The following SLC16A13 variants were observed in gnomAD, a reference collection of about 807,000 sequenced individuals.
The protein encoded by SLC16A13 is solute carrier family 16 member 13, also known as monocarboxylate transporter 13.
A neutral mutation model predicts 28.1 loss-of-function variants in SLC16A13; 28 were observed. That is an observed-to-expected ratio of 1.00 (90% CI 0.74 to 1.37). The LOEUF (loss-of-function observed/expected upper bound fraction) is 1.37. Among genes scored for constraint, SLC16A13 ranks in the 40% most tolerant of loss-of-function variants. The pLI is 0.00. For synonymous variants in SLC16A13, 228 were observed against 241.6 expected, an observed-to-expected ratio of 0.94 and a Z score of 0.52; for missense variants, 482 against 531.8, an observed-to-expected ratio of 0.91 and a Z score of 0.92.
At chr17:7,037,412 T>C (rs312458) in intron 2 of SLC16A13, among the ~76,000 whole-genome samples, 97,497 of 131,728 alleles carry the variant, frequency 0.74, 39,469 homozygotes, top group Middle Eastern at 0.91. Context: ...GACTGGAGTG[T>C]AAAAGGAAGA....
chr17:7,039,840 A>G lies in SLC16A13; in HGVS notation c.1159A>G (p.Ile387Val). The change falls in exon 4 of 4, where the codon ATT becomes GTT. Residue 387 changes from isoleucine (I) to valine (V), a missense_variant. Physicochemically the swap from Ile to Val is conservative, Grantham distance 29. Coordinates refer to ENST00000308027, the MANE Select transcript of SLC16A13 (RefSeq NM_201566.3). This position sits in a 1 kb window ranked among gnomAD's most constrained non-coding sequence, Gnocchi z 4.3. ...AGAFLLSGSG[I>V]LLTLPHFFCF... ...GGCCTTCCTTCTTTCAGGGAGTGGC[A>G]TTCTCCTCACCCTGCCCCACTTCTT... 2 of 1,614,010 alleles carry G rather than the reference A, an allele frequency of 1.2e-6. No individual in the cohort carries two copies. The highest frequency in any genetic ancestry group is 1.7e-6 in the Non-Finnish European group (2 of 1,179,986).
rs189225479 is a variant in SLC16A13 at position 7,039,447 on chromosome 17, G to A, written c.1082-316G>A. Among the ~76,000 whole-genome samples the A allele has an allele frequency of 1.9e-4, 28 of 147,738 alleles. No homozygotes were observed. The highest frequency in any genetic ancestry group is 6.1e-4 in the African/African-American group (24 of 39,480). ...TGCACTTCAGCCTGGGCGACAGAGC[G>A]AGACTCCGTCTCAAAAAAAAAAAAA... is the stretch of plus-strand genomic sequence containing the variant. On this transcript the variant is annotated intron_variant, in intron 3 of 3. Coordinates refer to ENST00000308027, the MANE Select transcript of SLC16A13 (RefSeq NM_201566.3). The surrounding 1 kb of genome is among the most constrained non-coding windows in gnomAD (Gnocchi z 4.3).
chr17:7,038,400 C>T lies in SLC16A13; in HGVS notation c.592C>T (p.Pro198Ser), dbSNP rs1306195603. 4 of 1,614,028 alleles carry T rather than the reference C, an allele frequency of 2.5e-6. No individual in the cohort carries two copies. The highest frequency in any genetic ancestry group is 3.3e-5 in the Admixed American group (2 of 60,002). ...CCGCCCACCCTCCCTGGCTGAGGACCCTGCTGTGGGTGGTCCCAGGGCCCA... is the reference window on the plus strand; with the variant it reads ...CCGCCCACCCTCCCTGGCTGAGGACTCTGCTGTGGGTGGTCCCAGGGCCCA... The part of the protein sequence containing the change: ...LLRPPSLAED[P>S]AVGGPRAQLT... Residue 198 changes from proline (P) to serine (S), a missense_variant, in exon 3 of 4, where the codon CCT becomes TCT. By Grantham distance (74) the Pro-to-Ser change is moderately conservative. Coordinates refer to ENST00000308027, the MANE Select transcript of SLC16A13 (RefSeq NM_201566.3). This position sits in a 1 kb window ranked among gnomAD's most constrained non-coding sequence, Gnocchi z 5.7.
chr17:7,037,029 A>G, intron 2 of SLC16A13, 159 bp downstream of exon 2: 1 of 925,122 alleles, frequency 1.1e-6, no homozygotes, highest in Non-Finnish European at 1.6e-6. Flanking sequence ...TAAAGCGACA[A>G]ACATGGTGAG....
Position 7,036,204 on chromosome 17 carries a change from G to C in SLC16A13, c.-179G>C, listed in dbSNP as rs999704806. 1.4e-5 allele frequency: 9 copies of C among 628,680 alleles called. No individual in the cohort carries two copies. In the African/African-American group the frequency reaches 1.7e-4, roughly 12 times the overall value. 38.9% of individuals were successfully genotyped at this position (628,680 alleles called of 1,614,324 possible). A position where few individuals can be genotyped will look rare whatever the true frequency, so the allele number is the denominator to read the frequency against. The stretch of plus-strand genomic sequence containing the variant: ...CAGGTCTTCAGTCCTATATCGCCCC[G>C]CCTTGGGAAAAGGTGCAGGGGCCTC... On this transcript the variant is annotated 5_prime_UTR_variant, in exon 1 of 4. Transcript: ENST00000308027.
Position 7,036,160 on chromosome 17 carries a change from T to A in SLC16A13, c.-223T>A. The A allele has an allele frequency of 4.0e-6, 2 of 499,358 alleles. No homozygotes were observed. Among genetic ancestry groups the A allele is most frequent in the South Asian group, 6.6e-5 (2 of 30,394 alleles). 30.9% of individuals were successfully genotyped at this position (499,358 alleles called of 1,614,324 possible). On this transcript the variant is annotated 5_prime_UTR_variant, in exon 1 of 4. Transcript: ENST00000308027. ...GCGGAACCACGCCCCCGGGAGACTCTGGCCCGGCCAGCGCGGGCCAGGTCT... is the reference window on the plus strand; with the variant it reads ...GCGGAACCACGCCCCCGGGAGACTCAGGCCCGGCCAGCGCGGGCCAGGTCT...
chr17:7,039,417 G>A lies in SLC16A13; in HGVS notation c.1082-346G>A, dbSNP rs532731169. On this transcript the variant is annotated intron_variant, in intron 3 of 3. Transcript: ENST00000308027. This position sits in a 1 kb window ranked among gnomAD's most constrained non-coding sequence, Gnocchi z 4.3. ...GGAGCTTGCAGTGAGCTGAGATCGC[G>A]CCACTGCACTTCAGCCTGGGCGACA... Among the ~76,000 whole-genome samples the A allele has an allele frequency of 1.8e-3, 275 of 149,584 alleles. No homozygotes were observed. The highest frequency in any genetic ancestry group is 6.4e-3 in the African/African-American group (260 of 40,328).
Position 7,038,990 on chromosome 17 carries a change from G to A in SLC16A13, c.1081+101G>A, listed in dbSNP as rs995687403. ...GTGTATGTGAATATTGCCCTCTGGT[G>A]TAGTACAGTACACAGCCTGCGTGGC... is the stretch of plus-strand genomic sequence containing the variant. On this transcript the variant is annotated intron_variant, in intron 3 of 3. Transcript: ENST00000308027. The surrounding 1 kb of genome is among the most constrained non-coding windows in gnomAD (Gnocchi z 5.7). 2.1e-6 allele frequency: 3 copies of A among 1,459,514 alleles called. No individual in the cohort carries two copies. The highest frequency in any genetic ancestry group is 2.8e-5 in the African/African-American group (2 of 70,998). The allele number at this position is 1,459,514 out of a possible 1,614,324, so 90.4% of individuals were successfully genotyped here. A position where few individuals can be genotyped will look rare whatever the true frequency, so the allele number is the denominator to read the frequency against.
At chr17:7,037,522 C>G (rs1455374576) in intron 2 of SLC16A13, among the ~76,000 whole-genome samples, 1 of 151,526 alleles carries the variant, frequency 6.6e-6, no homozygotes, top group Non-Finnish European at 1.5e-5. Flanking sequence ...GTCAGGAGAT[C>G]AAGACCATCC....
In SLC16A13 at chr17:7,038,163, G is replaced by A; in HGVS notation, c.355G>A (p.Ala119Thr). The part of the protein sequence containing the change: ...SIGLLSGSGW[A>T]LTFAPTLACL... ...TTCCTTTTTGACAGGCTCTGGCTGG[G>A]CTTTGACCTTCGCTCCGACCCTGGC... Residue 119 changes from alanine (A) to threonine (T), a missense_variant, in exon 3 of 4, where the codon GCT becomes ACT. Coordinates refer to ENST00000308027, the MANE Select transcript of SLC16A13 (RefSeq NM_201566.3). The surrounding 1 kb of genome is among the most constrained non-coding windows in gnomAD (Gnocchi z 5.7). 6.2e-7 allele frequency: 1 copy of A among 1,612,492 alleles called. No individual in the cohort carries two copies.
In SLC16A13 at chr17:7,039,582, G is replaced by A. The variant is rs1293282813; in HGVS notation, c.1082-181G>A. On this transcript the variant is annotated intron_variant, in intron 3 of 3. Coordinates refer to ENST00000308027, the MANE Select transcript of SLC16A13 (RefSeq NM_201566.3). The surrounding 1 kb of genome is among the most constrained non-coding windows in gnomAD (Gnocchi z 4.3). ...AGGTCCTTTCTGAAGGCGGGGAGGT[G>A]GTTGAAATTAACTTTTGAGGCCCTT... 2.0e-5 allele frequency among the ~76,000 whole-genome samples: 3 copies of A among 152,168 alleles called. No homozygotes were observed. The highest frequency in any genetic ancestry group is 7.2e-5 in the African/African-American group (3 of 41,426).
At chr17:7,036,909 G>T in intron 2 of SLC16A13, 39 bp downstream of exon 2, 1 of 1,600,546 alleles carries the variant, frequency 6.2e-7, no homozygotes, top group South Asian at 1.1e-5. Context: ...CAAATGCTTA[G>T]ATCGTTGGAT....
In SLC16A13 at chr17:7,039,449, G is replaced by A. The variant is rs1910665579; in HGVS notation, c.1082-314G>A. ...CACTTCAGCCTGGGCGACAGAGCGA[G>A]ACTCCGTCTCAAAAAAAAAAAAAAA... is the stretch of plus-strand genomic sequence containing the variant. On this transcript the variant is annotated intron_variant, in intron 3 of 3. Coordinates refer to ENST00000308027, the MANE Select transcript of SLC16A13 (RefSeq NM_201566.3). This position sits in a 1 kb window ranked among gnomAD's most constrained non-coding sequence, Gnocchi z 4.3. Among the ~76,000 whole-genome samples, 1 of 144,952 alleles carries A rather than the reference G, an allele frequency of 6.9e-6. No homozygotes were observed. Among genetic ancestry groups the A allele is most frequent in the Admixed American group, 7.1e-5 (1 of 14,042 alleles).
Position 7,038,472 on chromosome 17 carries a change from G to A in SLC16A13, c.664G>A (p.Ala222Thr), listed in dbSNP as rs1296788933. Residue 222 changes from alanine (A) to threonine (T), a missense_variant, in exon 3 of 4, where the codon GCC becomes ACC. Transcript: ENST00000308027. The surrounding 1 kb of genome is among the most constrained non-coding windows in gnomAD (Gnocchi z 5.7). ...TGGCCCCTTCCTCCGTTACACTGTT[G>A]CCCTCACCCTGATCAACACTGGCTA... ...HHGPFLRYTV[A>T]LTLINTGYFI... The A allele has an allele frequency of 5.0e-6, 8 of 1,613,978 alleles. No homozygotes were observed. Among genetic ancestry groups the A allele is most frequent in the Non-Finnish European group, 5.9e-6 (7 of 1,180,028 alleles).
Position 7,039,013 on chromosome 17 carries a change from G to A in SLC16A13, c.1081+124G>A. 2 of 1,306,732 alleles carry A rather than the reference G, an allele frequency of 1.5e-6. No homozygotes were observed. The highest frequency in any genetic ancestry group is 1.0e-6 in the Non-Finnish European group (1 of 974,184). The allele number at this position is 1,306,732 out of a possible 1,614,324, so 80.9% of individuals were successfully genotyped here. On this transcript the variant is annotated intron_variant, in intron 3 of 3. Transcript: ENST00000308027. The surrounding 1 kb of genome is among the most constrained non-coding windows in gnomAD (Gnocchi z 4.3). ...GTGTAGTACAGTACACAGCCTGCGT[G>A]GCCAACCATAGCATCCCTGAAATGG...
At position 7,038,834 on chromosome 17, in the gene SLC16A13, G is replaced by A. The variant is rs776148562; in HGVS notation, c.1026G>A (p.Leu342=). Residue 342 remains leucine (L), a synonymous_variant, in exon 3 of 4, where the codon CTG becomes CTA. Coordinates refer to ENST00000308027, the MANE Select transcript of SLC16A13 (RefSeq NM_201566.3). The surrounding 1 kb of genome is among the most constrained non-coding windows in gnomAD (Gnocchi z 5.7). ...LIGTRRIYCG[L]GLLQMIESIG... ...GGACTAGAAGGATTTACTGTGGCCT[G>A]GGACTGTTGCAGATGATAGAGAGCA... 3 of 1,613,956 alleles carry A rather than the reference G, an allele frequency of 1.9e-6. No homozygotes were observed. The South Asian group carries it at 3.3e-5, about 18-fold the overall frequency.
rs951790263 is a variant in SLC16A13 at position 7,039,776 on chromosome 17, T to C, written c.1095T>C (p.Asp365=). Residue 365 remains aspartate (D), a synonymous_variant, in exon 4 of 4, where the codon GAT becomes GAC. Coordinates refer to ENST00000308027, the MANE Select transcript of SLC16A13 (RefSeq NM_201566.3). This position sits in a 1 kb window ranked among gnomAD's most constrained non-coding sequence, Gnocchi z 4.3. The stretch of plus-strand genomic sequence containing the variant: ...TCTTGGACCTAGGCTACCTCCGGGA[T>C]GTGACAGGCAACTACACGGCTTCTT... ...LGPPLSGYLR[D]VTGNYTASFV... 7.4e-6 allele frequency: 12 copies of C among 1,614,094 alleles called. No homozygotes were observed. Among genetic ancestry groups the C allele is most frequent in the Middle Eastern group, 1.6e-4 (1 of 6,082 alleles).
chr17:7,039,960 T>G lies in SLC16A13; in HGVS notation c.1279T>G (p.Ter427GlyextTer12), dbSNP rs1188415412. The change falls in exon 4 of 4, where the codon TGA (stop) becomes GGA (glycine). Residue 427 changes from the stop codon to glycine (G), a stop_lost. Coordinates refer to ENST00000308027, the MANE Select transcript of SLC16A13 (RefSeq NM_201566.3). This position sits in a 1 kb window ranked among gnomAD's most constrained non-coding sequence, Gnocchi z 4.3. ...PLPKEGLEED[*>G] is the part of the protein sequence containing the mutation. The stretch of plus-strand genomic sequence containing the variant: ...ACCCAAGGAGGGGCTGGAAGAGGAC[T>G]GAACTCCACAGAGTCAGGCCCAGAA... The G allele has an allele frequency of 6.2e-7, 1 of 1,613,070 alleles. No homozygotes were observed. Among genetic ancestry groups the G allele is most frequent in the Non-Finnish European group, 8.5e-7 (1 of 1,179,870 alleles).
Position 7,039,886 on chromosome 17 carries a change from C to T in SLC16A13, c.1205C>T (p.Ser402Phe). ...PHFFCFSTTT[S>F]GPQDLVTEAL... The stretch of plus-strand genomic sequence containing the variant: ...TTCTTCTGCTTCTCAACTACTACCT[C>T]CGGGCCCCAGGACCTTGTAACAGAA... The change falls in exon 4 of 4, where the codon TCC becomes TTC. Residue 402 changes from serine (S) to phenylalanine (F), a missense_variant. Transcript: ENST00000308027. This position sits in a 1 kb window ranked among gnomAD's most constrained non-coding sequence, Gnocchi z 4.3. The T allele has an allele frequency of 6.2e-7, 1 of 1,614,186 alleles. No individual in the cohort carries two copies. The highest frequency in any genetic ancestry group is 1.1e-5 in the South Asian group (1 of 91,068).
Sources: allele counts gnomAD v4.1 joint callset (sites outside exome capture counted in the v4.1 genomes callset), GRCh38; gene constraint gnomAD v4.1.1; non-coding constraint Gnocchi (gnomAD v3.1); transcripts MANE v1.5; gene names NCBI Gene and HGNC (gene_info 2026-07-23, HGNC 2026-07-21).